The following SPOCK3 variants were observed in gnomAD, a reference collection of about 807,000 sequenced individuals.
The protein encoded by SPOCK3 is SPARC (osteonectin), cwcv and kazal like domains proteoglycan 3.
A neutral mutation model predicts 56.6 loss-of-function variants in SPOCK3; 30 were observed. The observed-to-expected ratio is 0.53, with a 90% CI of 0.40 to 0.72. SPOCK3 has a LOEUF of 0.72. Ranked by LOEUF, SPOCK3 falls within the 30% of genes least tolerant of loss-of-function variation. The pLI is 0.00. For missense variants in SPOCK3, 527 were observed against 530.0 expected, an observed-to-expected ratio of 0.99 and a Z score of 0.06; for synonymous variants, 196 against 183.3, an observed-to-expected ratio of 1.07 and a Z score of -0.56.
At chr4:167,024,723 T>C (rs551744882) in intron 3 of SPOCK3, among the ~76,000 whole-genome samples, 101 of 152,070 alleles carry the variant, frequency 6.6e-4, no homozygotes, top group Non-Finnish European at 1.1e-3. Context: ...GGGCAAGGGA[T>C]AAAAGACTAC....
chr4:167,107,305 T>C (rs1760250580), intron 2 of SPOCK3, among the ~76,000 whole-genome samples: 1 of 151,896 alleles, frequency 6.6e-6, no homozygotes, highest in Non-Finnish European at 1.5e-5. Context: ...TCATTAGTCA[T>C]GACCAAGTGG....
At chr4:166,959,397 G>A (rs28557226) in intron 4 of SPOCK3, among the ~76,000 whole-genome samples, 1,771 of 152,078 alleles carry the variant, frequency 0.012, 39 homozygotes, top group African/African-American at 0.041. Flanking sequence ...GGTGGATCAC[G>A]AGATCAGGAG....
intron 9 of SPOCK3, among the ~76,000 whole-genome samples, chr4:166,739,809 A>G (rs1281059844): frequency 6.6e-6 from 1 of 152,120 alleles, no homozygotes; most frequent in Non-Finnish European, 1.5e-5. Flanking sequence ...ACCATATAAC[A>G]TCATAACTTC....
chr4:166,766,465 G>T (rs1341637628), intron 7 of SPOCK3, among the ~76,000 whole-genome samples: 1 of 152,074 alleles, frequency 6.6e-6, no homozygotes, highest in East Asian at 1.9e-4. Context: ...TTTGTCTTTG[G>T]TTCTGTTTAT....
chr4:167,009,040 T>A, intron 3 of SPOCK3, among the ~76,000 whole-genome samples: 1 of 152,182 alleles, frequency 6.6e-6, no homozygotes, highest in African/African-American at 2.4e-5. Flanking sequence ...AAATAAAAGG[T>A]CTTCAATTAC....
chr4:166,996,819 A>G (rs550614433), intron 4 of SPOCK3, among the ~76,000 whole-genome samples: 2 of 152,204 alleles, frequency 1.3e-5, no homozygotes, highest in East Asian at 3.9e-4. Context: ...ACTATGATTC[A>G]CCTAATCATG....
At chr4:166,850,431 T>C (rs1422142231) in intron 6 of SPOCK3, among the ~76,000 whole-genome samples, 7 of 152,208 alleles carry the variant, frequency 4.6e-5, no homozygotes, top group Admixed American at 3.3e-4. Flanking sequence ...GGACTCTGAA[T>C]GTGATGCTAA....
At chr4:166,873,264 G>A (rs1298892121) in intron 6 of SPOCK3, among the ~76,000 whole-genome samples, 1 of 150,982 alleles carries the variant, frequency 6.6e-6, no homozygotes, top group Non-Finnish European at 1.5e-5. Context: ...GGGATGAAAA[G>A]GTAGAGCACA....
At chr4:167,229,719 A>C (rs1213742662) in intron 2 of SPOCK3, among the ~76,000 whole-genome samples, 1 of 152,152 alleles carries the variant, frequency 6.6e-6, no homozygotes, top group African/African-American at 2.4e-5. Flanking sequence ...CCTCTGAGAC[A>C]TGTCAGCCTG....
At chr4:167,140,896 T>A (rs1763476189) in intron 2 of SPOCK3, among the ~76,000 whole-genome samples, 1 of 152,016 alleles carries the variant, frequency 6.6e-6, no homozygotes, top group Non-Finnish European at 1.5e-5. Context: ...ATCTAGTCCT[T>A]AAGTTTCAGA....
In SPOCK3 at chr4:167,108,964, TA is replaced by T. The variant is rs199580583; in HGVS notation, c.190-46428del. 4.1e-3 allele frequency among the ~76,000 whole-genome samples: 341 copies of T among 82,652 alleles called. 55 individuals are homozygous for T. The highest frequency in any genetic ancestry group is 0.022 in the African/African-American group (327 of 14,738). The allele number at this position is 82,652 out of a possible 152,430, so 54.2% of individuals were successfully genotyped here. A position where few individuals can be genotyped will look rare whatever the true frequency, so the allele number is the denominator to read the frequency against. Reference sequence around the variant, plus strand: ...ATTTATATTATAAATATTATATATATAAATATATAAATATTATAAATATATA... The same window carrying T: ...ATTTATATTATAAATATTATATATATAATATATAAATATTATAAATATATA... On this transcript the variant is annotated intron_variant, in intron 2 of 10. Coordinates refer to ENST00000357545, the MANE Select transcript of SPOCK3 (RefSeq NM_001040159.2).
At position 167,039,176 on chromosome 4, in the gene SPOCK3, G is replaced by A. The variant is rs543724616; in HGVS notation, c.235+23316C>T. On this transcript the variant is annotated intron_variant, in intron 3 of 10. Coordinates refer to ENST00000357545, the MANE Select transcript of SPOCK3 (RefSeq NM_001040159.2). Reference sequence around the variant, plus strand: ...CAGTTTAACCCCAATCTCTGCTGCTGTCATCGTGTGGCCTTGTCCTTGTGT... The same window carrying A: ...CAGTTTAACCCCAATCTCTGCTGCTATCATCGTGTGGCCTTGTCCTTGTGT... Among the ~76,000 whole-genome samples the A allele has an allele frequency of 1.7e-4, 26 of 152,262 alleles. 1 individual carries two copies. In the South Asian group the frequency reaches 5.4e-3, roughly 32 times the overall value.
intron 2 of SPOCK3, among the ~76,000 whole-genome samples, chr4:167,207,202 GAT>G (rs1279983199): frequency 6.6e-6 from 1 of 151,992 alleles, no homozygotes; most frequent in African/African-American, 2.4e-5. Context: ...AGTATTGACA[GAT>G]GTGTTGATTT....
At chr4:167,207,777 G>A (rs767149061) in intron 2 of SPOCK3, among the ~76,000 whole-genome samples, 38 of 151,974 alleles carry the variant, frequency 2.5e-4, no homozygotes, top group Non-Finnish European at 5.0e-4. Context: ...GCTAAATGAC[G>A]AGTTAATGGG....
chr4:167,170,227 G>C (rs982282555), intron 2 of SPOCK3, among the ~76,000 whole-genome samples: 1 of 152,106 alleles, frequency 6.6e-6, no homozygotes, highest in Non-Finnish European at 1.5e-5. Context: ...ATACAAATAA[G>C]GGATGTGTAT....
chr4:166,754,840 A>G, intron 7 of SPOCK3, 111 bp from the exon 8 acceptor site: 1 of 872,246 alleles, frequency 1.1e-6, no homozygotes, highest in Non-Finnish European at 1.8e-6. Flanking sequence ...ATGAATAGTT[A>G]GAGAAGTAGA....
intron 2 of SPOCK3, among the ~76,000 whole-genome samples, chr4:167,203,314 A>G (rs1289411389): frequency 6.6e-6 from 1 of 152,000 alleles, no homozygotes; most frequent in African/African-American, 2.4e-5. Flanking sequence ...GGATTTTTTT[A>G]GTAAATAAGC....
chr4:166,794,932 C>T (rs1305016530), intron 6 of SPOCK3, among the ~76,000 whole-genome samples: 3 of 152,040 alleles, frequency 2.0e-5, no homozygotes, highest in Non-Finnish European at 4.4e-5. Flanking sequence ...CGTGAGTCAC[C>T]GCGCCGGCCC....
At chr4:167,095,070 A>T (rs1007147769) in intron 2 of SPOCK3, among the ~76,000 whole-genome samples, 8 of 152,124 alleles carry the variant, frequency 5.3e-5, no homozygotes, top group Admixed American at 5.2e-4. Flanking sequence ...CTTTAATTCT[A>T]TTCAGGTATT....
Sources: gnomAD v4.1 joint callset for allele counts (sites outside exome capture counted in the v4.1 genomes callset) on GRCh38, gnomAD v4.1.1 for gene constraint, MANE v1.5 for transcripts, NCBI Gene and HGNC (gene_info 2026-07-23, HGNC 2026-07-21) for gene names.